HDAC4: variants seen among roughly 807,000 people sequenced by gnomAD.
HDAC4 encodes the protein histone deacetylase 4.
In HDAC4, 16 loss-of-function variants were observed where a neutral mutation model predicts 135.1. That is an observed-to-expected ratio of 0.12 (90% confidence interval 0.08 to 0.18). HDAC4 has a LOEUF of 0.18. Ranked by LOEUF, HDAC4 falls within the 10% of genes least tolerant of loss-of-function variation. HDAC4 has a pLI of 1.00. For missense variants in HDAC4, 1,143 were observed against 1,511.8 expected, an observed-to-expected ratio of 0.76 and a Z score of 4.05; for synonymous variants, 685 against 653.4, an observed-to-expected ratio of 1.05 and a Z score of -0.74.
At chr2:239,150,792 C>T (rs891687301) in intron 7 of HDAC4, among the ~76,000 whole-genome samples, 1 of 150,872 alleles carries the variant, frequency 6.6e-6, no homozygotes, top group African/African-American at 2.4e-5. Context: ...TACGCTGCAC[C>T]TCCTGAAGTA....
intron 24 of HDAC4, among the ~76,000 whole-genome samples, chr2:239,065,901 T>C (rs1250392416): frequency 6.6e-6 from 1 of 152,194 alleles, no homozygotes. Context: ...CAAAACCCTG[T>C]AGACGGGTTC....
At chr2:239,277,383 C>T (rs56017524) in intron 2 of HDAC4, among the ~76,000 whole-genome samples, 6,185 of 152,228 alleles carry the variant, frequency 0.041, 138 homozygotes, top group Middle Eastern at 0.058. Context: ...GCTGGGGAAA[C>T]GACAGGGAAG....
At position 239,223,680 on chromosome 2, in the gene HDAC4, T is replaced by TCG. The variant is rs1559248321; in HGVS notation, c.94+12912_94+12913insCG. 8.6e-5 allele frequency among the ~76,000 whole-genome samples: 13 copies of TCG among 151,872 alleles called. No homozygotes were observed. In the East Asian group the frequency reaches 1.8e-3, roughly 20 times the overall value. The stretch of plus-strand genomic sequence containing the variant: ...TCAGTGTCCTCATCATTGCTGTAAT[T>TCG]AGGAGCAACCACGAGTCCCACTTTG... On this transcript the variant is annotated intron_variant, in intron 3 of 26. Transcript: ENST00000543185.
At position 239,128,357 on chromosome 2, in the gene HDAC4, C is replaced by T. The variant is rs907629965; in HGVS notation, c.1295-1663G>A. Among the ~76,000 whole-genome samples the T allele has an allele frequency of 3.3e-5, 5 of 152,028 alleles. No individual in the cohort carries two copies. The East Asian group carries it at 5.8e-4, about 18-fold the overall frequency. Reference sequence around the variant, plus strand: ...CAGACTGGCCAACATGGCAAAACCCCGTCTCTACTAAAAATACAAAAATCA... The same window carrying T: ...CAGACTGGCCAACATGGCAAAACCCTGTCTCTACTAAAAATACAAAAATCA... On this transcript the variant is annotated intron_variant, in intron 11 of 26. Coordinates refer to ENST00000543185, the MANE Select transcript of HDAC4 (RefSeq NM_001378414.1).
chr2:239,342,488 C>T (rs1187660047), intron 2 of HDAC4, among the ~76,000 whole-genome samples: 1 of 152,080 alleles, frequency 6.6e-6, no homozygotes, highest in Admixed American at 6.5e-5. Context: ...AAAATAAGTA[C>T]ATTTAGGTCA....
rs973103988 is a variant in HDAC4, at chr2:239,105,125, T to G, written c.2113-2229A>C. ...TGATGGTGGCCCCTTCCTGCTTTCT[T>G]GGGAGGCTGACCTCGTTATTTCTGT... is the stretch of plus-strand genomic sequence containing the variant. On this transcript the variant is annotated intron_variant, in intron 15 of 26. Transcript: ENST00000543185. Among the ~76,000 whole-genome samples the G allele has an allele frequency of 7.2e-5, 11 of 152,350 alleles. 1 individual carries two copies. In the East Asian group the frequency reaches 2.1e-3, roughly 29 times the overall value.
chr2:239,395,208 G>A (rs1285744463), intron 1 of HDAC4, among the ~76,000 whole-genome samples: 1 of 152,236 alleles, frequency 6.6e-6, no homozygotes, highest in Non-Finnish European at 1.5e-5. Context: ...GCTATCAGAT[G>A]AGGCTGGTAA....
chr2:239,373,181 G>A (rs1208644648), intron 1 of HDAC4, among the ~76,000 whole-genome samples: 1 of 152,144 alleles, frequency 6.6e-6, no homozygotes, highest in Non-Finnish European at 1.5e-5. Flanking sequence ...GACCTCTAAA[G>A]AGGCTGCAGC....
At chr2:239,106,922 C>A (rs1221104493) in intron 15 of HDAC4, among the ~76,000 whole-genome samples, 1 of 152,214 alleles carries the variant, frequency 6.6e-6, no homozygotes, top group Non-Finnish European at 1.5e-5. Flanking sequence ...ACCCTGTGCG[C>A]TATCTGTAGG....
chr2:239,376,251 AAGGC>A (rs1310785533), intron 1 of HDAC4, among the ~76,000 whole-genome samples: 1 of 151,184 alleles, frequency 6.6e-6, no homozygotes, highest in Non-Finnish European at 1.5e-5. Context: ...TCCAAACACC[AAGGC>A]AGGTGCTGTG....
At chr2:239,250,454 C>CAG (rs753141574) in intron 2 of HDAC4, among the ~76,000 whole-genome samples, 1 of 152,248 alleles carries the variant, frequency 6.6e-6, no homozygotes, top group Non-Finnish European at 1.5e-5. Flanking sequence ...CCCCGCACGG[C>CAG]CCAGCTCCAG....
intron 22 of HDAC4, among the ~76,000 whole-genome samples, chr2:239,078,674 T>A (rs755759324): frequency 6.6e-6 from 1 of 152,180 alleles, no homozygotes; most frequent in Admixed American, 6.5e-5. Flanking sequence ...GGCACGTTCA[T>A]CCTAAAGGCT....
chr2:239,082,057 C>A, intron 21 of HDAC4, 45 bp downstream of exon 21: 3 of 1,609,688 alleles, frequency 1.9e-6, no homozygotes, highest in South Asian at 1.1e-5. Flanking sequence ...AGCGGCTCCC[C>A]GCAGTCCCCC....
At chr2:239,126,323 T>A (rs1231742456) in intron 12 of HDAC4, 133 bp downstream of exon 12, 5 of 1,452,728 alleles carry the variant, frequency 3.4e-6, no homozygotes, top group Non-Finnish European at 1.9e-6. Context: ...CCAGAGCATG[T>A]GCCTCCTCGG....
At chr2:239,191,350 T>C (rs895803) in intron 3 of HDAC4, among the ~76,000 whole-genome samples, 79,306 of 152,134 alleles carry the variant, frequency 0.52, 21,866 homozygotes, top group African/African-American at 0.71. Flanking sequence ...CTGGACTGGC[T>C]TAAGACCAGG....
intron 2 of HDAC4, among the ~76,000 whole-genome samples, chr2:239,283,202 C>T (rs978826654): frequency 6.6e-6 from 1 of 152,132 alleles, no homozygotes; most frequent in South Asian, 2.1e-4. Flanking sequence ...GGGCCTGGCC[C>T]GCAGAGGACT....
At position 239,245,603 on chromosome 2, in the gene HDAC4, T is replaced by C. The variant is rs59323500; in HGVS notation, c.23-8939A>G. 4.8e-3 allele frequency among the ~76,000 whole-genome samples: 733 copies of C among 152,004 alleles called. 3 individuals are homozygous for C. Among genetic ancestry groups the C allele is most frequent in the African/African-American group, 0.012 (486 of 41,450 alleles). On this transcript the variant is annotated intron_variant, in intron 2 of 26. Transcript: ENST00000543185. The surrounding 1 kb of genome is among the most constrained non-coding windows in gnomAD (Gnocchi z 4.4). Reference sequence around the variant, plus strand: ...GATCGGTTTTAAATTCTCCAGAAAATAAAGGTGTGGAGAGATGAAGTGGTC... The same window carrying C: ...GATCGGTTTTAAATTCTCCAGAAAACAAAGGTGTGGAGAGATGAAGTGGTC...
At chr2:239,201,850 C>T (rs188916263) in intron 3 of HDAC4, among the ~76,000 whole-genome samples, 29 of 152,314 alleles carry the variant, frequency 1.9e-4, no homozygotes, top group African/African-American at 4.8e-4. Flanking sequence ...TTATGTAAAT[C>T]GGCTTTCACT....
chr2:239,126,854 C>T (rs989844535), intron 11 of HDAC4, among the ~76,000 whole-genome samples, 160 bp from the exon 12 acceptor site: 2 of 152,246 alleles, frequency 1.3e-5, no homozygotes, highest in African/African-American at 4.8e-5. Context: ...TGGGCCCCTT[C>T]CAGCTGAGGC....
Sources: gnomAD v4.1 joint callset for allele counts (sites outside exome capture counted in the v4.1 genomes callset) on GRCh38, gnomAD v4.1.1 for gene constraint, Gnocchi (gnomAD v3.1) non-coding constraint, MANE v1.5 for transcripts, NCBI Gene and HGNC (gene_info 2026-07-23, HGNC 2026-07-21) for gene names.